The following EYS variants were observed in gnomAD, a reference collection of about 807,000 sequenced individuals.
The protein encoded by EYS is EGF-like photoreceptor maintenance factor.
In EYS, 250 loss-of-function variants were observed where a neutral mutation model predicts 282.1. The ratio of observed to expected loss-of-function variants is 0.89; its 90% CI spans 0.80 to 0.98. The LOEUF is 0.98. Among genes scored for constraint, EYS ranks in the 50% least tolerant of loss-of-function variants. The pLI, the probability that EYS is intolerant of heterozygous loss-of-function variation, is 0.00. For missense variants in EYS, 4,016 were observed against 3,709.0 expected (o/e 1.08, Z -2.15); for synonymous variants, 1,355 against 1,282.9 (o/e 1.06, Z -1.20).
chr6:64,780,612 C>G (rs1407644224), intron 22 of EYS, among the ~76,000 whole-genome samples: 1 of 152,036 alleles, frequency 6.6e-6, no homozygotes, highest in Non-Finnish European at 1.5e-5. Context: ...CCAAACCTCA[C>G]CATTATGCAA....
chr6:65,064,745 T>C (rs1274824530), intron 12 of EYS, among the ~76,000 whole-genome samples: 2 of 152,038 alleles, frequency 1.3e-5, no homozygotes. Flanking sequence ...AAGTGTGGTC[T>C]GTGTTTCTGT....
chr6:64,277,565 T>C (rs1402971124), intron 30 of EYS, among the ~76,000 whole-genome samples: 1 of 152,104 alleles, frequency 6.6e-6, no homozygotes, highest in Non-Finnish European at 1.5e-5. Flanking sequence ...CCCTAGTCAT[T>C]GGGCAGATAA....
chr6:65,047,592 G>T (rs1247938834), intron 13 of EYS, among the ~76,000 whole-genome samples: 2 of 151,826 alleles, frequency 1.3e-5, no homozygotes, highest in South Asian at 2.1e-4. Context: ...ACATTCCACT[G>T]CCCTCTCTGT....
intron 15 of EYS, among the ~76,000 whole-genome samples, chr6:64,936,543 CA>C (rs1201333931): frequency 6.6e-6 from 1 of 151,232 alleles, no homozygotes; most frequent in Non-Finnish European, 1.5e-5. Flanking sequence ...AGGAATCGAC[CA>C]AAAATTATTA....
chr6:65,506,460 CTTTTTTTTTTTTTTTTTTTTTTTT>C (rs58326040), intron 2 of EYS, among the ~76,000 whole-genome samples: 10 of 64,890 alleles, frequency 1.5e-4, no homozygotes, highest in African/African-American at 3.0e-4. Flanking sequence ...TCCTTCCTTT[CTTTTTTTTTTTTTTTTTTTTTTTT>C]TTTTTTTTTT....
intron 12 of EYS, among the ~76,000 whole-genome samples, chr6:65,071,079 A>G (rs1489337931): frequency 6.6e-6 from 1 of 151,810 alleles, no homozygotes; most frequent in African/African-American, 2.4e-5. Context: ...ATTGCTGGAC[A>G]TGTTGTTTTA....
chr6:64,066,419 C>T lies in EYS; in HGVS notation c.6644G>A (p.Gly2215Glu), dbSNP rs1329603218. ...LVEGRPSVKY[G>E]CGNSQNILTV... Reference sequence around the variant, plus strand: ...CAAAATATTTTGAGAATTTCCACACCCATATTTAACTGATGGCCTTCCTTC... The same window carrying T: ...CAAAATATTTTGAGAATTTCCACACTCATATTTAACTGATGGCCTTCCTTC... Residue 2215 changes from glycine (G) to glutamate (E), a missense_variant, in exon 33 of 43, where the codon GGG becomes GAG. By Grantham distance (98) the Gly-to-Glu change is moderately conservative. Coordinates refer to ENST00000503581, the MANE Select transcript of EYS (RefSeq NM_001142800.2). 1 of 1,549,270 alleles carries T rather than the reference C, an allele frequency of 6.5e-7. No homozygotes were observed. Among genetic ancestry groups the T allele is most frequent in the South Asian group, 1.2e-5 (1 of 83,944 alleles).
chr6:63,928,085 C>CAATGGTAT (rs1764770246), intron 35 of EYS, among the ~76,000 whole-genome samples: 1 of 152,158 alleles, frequency 6.6e-6, no homozygotes, highest in Non-Finnish European at 1.5e-5. Context: ...GTCCTTTTCT[C>CAATGGTAT]AATGGTATAA....
Position 64,797,602 on chromosome 6 carries a change from T to C in EYS, c.3443+15776A>G, listed in dbSNP as rs11968917. On this transcript the variant is annotated intron_variant, in intron 22 of 42. Coordinates refer to ENST00000503581, the MANE Select transcript of EYS (RefSeq NM_001142800.2). Reference sequence around the variant, plus strand: ...GCCAAATAAAGCTTATCTCCATTTTTTCTGAGTTTAGGATTATACTTATAA... The same window carrying C: ...GCCAAATAAAGCTTATCTCCATTTTCTCTGAGTTTAGGATTATACTTATAA... 5.5e-3 allele frequency among the ~76,000 whole-genome samples: 834 copies of C among 152,180 alleles called. 10 individuals carry two copies. Among genetic ancestry groups the C allele is most frequent in the African/African-American group, 0.019 (795 of 41,558 alleles).
In EYS at chr6:64,838,427, T is replaced by C. The variant is rs191597648; in HGVS notation, c.2993-15605A>G. Among the ~76,000 whole-genome samples, 25 of 152,100 alleles carry C rather than the reference T, an allele frequency of 1.6e-4. No homozygotes were observed. The East Asian group carries it at 4.5e-3, about 27-fold the overall frequency. ...ATTTCAAGTGGTATCTGGTTCTCTA[T>C]CTATTCTTTTGCCTAGGGATGCTGG... On this transcript the variant is annotated intron_variant, in intron 19 of 42. Transcript: ENST00000503581.
At chr6:63,985,270 G>A (rs900989397) in intron 34 of EYS, among the ~76,000 whole-genome samples, 1 of 151,612 alleles carries the variant, frequency 6.6e-6, no homozygotes, top group Non-Finnish European at 1.5e-5. Flanking sequence ...ATGCATCTAT[G>A]GGCTAAGGAA....
chr6:63,744,962 A>T (rs1266993045), intron 41 of EYS: 3 of 429,314 alleles, frequency 7.0e-6, no homozygotes, highest in Admixed American at 2.8e-5. Flanking sequence ...TCCATCATGA[A>T]AACCACCAAA....
rs917776032 is a variant in EYS, at chr6:65,541,869, T to C, written c.-332-45876A>G. On this transcript the variant is annotated intron_variant, in intron 2 of 42. Coordinates refer to ENST00000503581, the MANE Select transcript of EYS (RefSeq NM_001142800.2). ...ACAGAACATTTAAGAAATGAGTGAT[T>C]GTATATTAGCCAAGTGCTCACCATC... Among the ~76,000 whole-genome samples the C allele has an allele frequency of 2.0e-5, 3 of 152,218 alleles. No individual in the cohort carries two copies. The South Asian group carries it at 6.2e-4, about 32-fold the overall frequency.
intron 2 of EYS, among the ~76,000 whole-genome samples, chr6:65,620,929 C>A (rs368883345): frequency 6.6e-6 from 1 of 151,998 alleles, no homozygotes; most frequent in Non-Finnish European, 1.5e-5. Context: ...AGTTTGTTAT[C>A]ATTTCTGTTC....
intron 5 of EYS, among the ~76,000 whole-genome samples, chr6:65,405,658 G>A (rs369414635): frequency 4.6e-5 from 7 of 152,152 alleles, no homozygotes; most frequent in East Asian, 3.9e-4. Flanking sequence ...CCCAAGCCCA[G>A]TTCCAGGCAT....
At chr6:64,731,758 C>T (rs1771974042) in intron 22 of EYS, among the ~76,000 whole-genome samples, 1 of 152,114 alleles carries the variant, frequency 6.6e-6, no homozygotes, top group Non-Finnish European at 1.5e-5. Flanking sequence ...TGTGGCGATT[C>T]CTGAAGGATC....
At chr6:65,176,433 A>G (rs1765226571) in intron 12 of EYS, among the ~76,000 whole-genome samples, 1 of 151,714 alleles carries the variant, frequency 6.6e-6, no homozygotes, top group Non-Finnish European at 1.5e-5. Flanking sequence ...TAATTTAGTG[A>G]ATAGTAAAGA....
chr6:64,874,998 G>A (rs991496079), intron 19 of EYS, among the ~76,000 whole-genome samples: 3 of 152,012 alleles, frequency 2.0e-5, no homozygotes, highest in African/African-American at 7.2e-5. Flanking sequence ...GAAATCAGAG[G>A]CTGACCAAGA....
At chr6:64,797,268 G>T (rs1027849691) in intron 22 of EYS, among the ~76,000 whole-genome samples, 4 of 151,946 alleles carry the variant, frequency 2.6e-5, no homozygotes, top group African/African-American at 9.7e-5. Flanking sequence ...AAGAGGTAAG[G>T]CAGAAGAATT....
Sources: allele counts gnomAD v4.1 joint callset (sites outside exome capture counted in the v4.1 genomes callset), GRCh38; gene constraint gnomAD v4.1.1; transcripts MANE v1.5; gene names NCBI Gene and HGNC (gene_info 2026-07-23, HGNC 2026-07-21).